The following RAB30 variants were observed in gnomAD, a reference collection of about 807,000 sequenced individuals.
The protein encoded by RAB30 is ras-related protein Rab-30.
Under a neutral mutation model 25.1 loss-of-function variants are expected in RAB30, and 9 were observed. That is an observed-to-expected ratio of 0.36 (90% CI 0.22 to 0.63). The LOEUF (loss-of-function observed/expected upper bound fraction) is 0.63. Among genes scored for constraint, RAB30 ranks in the 20% least tolerant of loss-of-function variants. RAB30 has a pLI of 0.69. For synonymous variants in RAB30, 77 were observed against 86.4 expected (o/e 0.89, Z 0.60); for missense variants, 140 against 243.5 (o/e 0.58, Z 2.83).
At chr11:83,038,251 T>A (rs1321538630) in intron 1 of RAB30, among the ~76,000 whole-genome samples, 1 of 152,134 alleles carries the variant, frequency 6.6e-6, no homozygotes, top group African/African-American at 2.4e-5. Flanking sequence ...AGAAGGCAAA[T>A]GAGATCAACG....
At chr11:83,008,462 G>A (rs1187145098) in intron 1 of RAB30, among the ~76,000 whole-genome samples, 1 of 152,196 alleles carries the variant, frequency 6.6e-6, no homozygotes, top group Admixed American at 6.5e-5. Flanking sequence ...ATGACTACTT[G>A]TCTAGAGCTT....
At chr11:83,053,359 A>G (rs567409495) in intron 1 of RAB30, among the ~76,000 whole-genome samples, 3 of 152,360 alleles carry the variant, frequency 2.0e-5, no homozygotes, top group East Asian at 1.9e-4. Flanking sequence ...CAGCTGCTCA[A>G]TTAATGGTTA....
At chr11:82,999,472 G>T (rs1367358480) in intron 1 of RAB30, among the ~76,000 whole-genome samples, 1 of 152,210 alleles carries the variant, frequency 6.6e-6, no homozygotes, top group African/African-American at 2.4e-5. Flanking sequence ...GAACTGTGAT[G>T]CATGAAAGAA....
chr11:83,037,593 G>C (rs1414147998), intron 1 of RAB30, among the ~76,000 whole-genome samples: 1 of 152,140 alleles, frequency 6.6e-6, no homozygotes, highest in East Asian at 1.9e-4. Context: ...GCTGATGAAT[G>C]GTATGTGAAT....
chr11:83,000,779 C>T (rs1437585084), intron 1 of RAB30, among the ~76,000 whole-genome samples: 1 of 152,002 alleles, frequency 6.6e-6, no homozygotes, highest in African/African-American at 2.4e-5. Flanking sequence ...GTCGGCCGGG[C>T]GCGGTGGCTC....
chr11:83,030,914 G>A (rs1033862978), intron 1 of RAB30, among the ~76,000 whole-genome samples: 71 of 152,322 alleles, frequency 4.7e-4, no homozygotes, highest in African/African-American at 1.7e-3. Flanking sequence ...TGTATTTGGA[G>A]ATAGAGCCAT....
chr11:83,017,290 T>C (rs1857460084), intron 1 of RAB30, among the ~76,000 whole-genome samples: 2 of 152,222 alleles, frequency 1.3e-5, no homozygotes, highest in South Asian at 2.1e-4. Flanking sequence ...TGAGCCGTGA[T>C]AGTTCCAGTG....
At chr11:83,069,477 C>A (rs1565295561) in intron 1 of RAB30, among the ~76,000 whole-genome samples, 1 of 152,108 alleles carries the variant, frequency 6.6e-6, no homozygotes, top group Non-Finnish European at 1.5e-5. Flanking sequence ...GAAGAAACAA[C>A]CAGGGTGGGT....
intron 1 of RAB30, among the ~76,000 whole-genome samples, chr11:83,062,637 A>G (rs1858608247): frequency 6.6e-6 from 1 of 152,190 alleles, no homozygotes; most frequent in Admixed American, 6.5e-5. Context: ...GTGCACATAA[A>G]TTTGCCAAAG....
chr11:82,986,638 A>G (rs1590834288), intron 4 of RAB30, among the ~76,000 whole-genome samples: 1 of 152,352 alleles, frequency 6.6e-6, no homozygotes, highest in East Asian at 1.9e-4. Flanking sequence ...GTTACAACGT[A>G]ACATATTACA....
At chr11:83,027,098 T>C (rs1857738217) in intron 1 of RAB30, among the ~76,000 whole-genome samples, 1 of 152,182 alleles carries the variant, frequency 6.6e-6, no homozygotes, top group Non-Finnish European at 1.5e-5. Context: ...AAGGCCTGTC[T>C]CTGGGGAGCA....
At chr11:83,005,652 T>TATATATATAC (rs1365653591) in intron 1 of RAB30, among the ~76,000 whole-genome samples, 1 of 151,990 alleles carries the variant, frequency 6.6e-6, no homozygotes, top group African/African-American at 2.4e-5. Flanking sequence ...AAGAAAACAT[T>TATATATATAC]ATATATATAC....
Position 82,979,121 on chromosome 11 carries a change from G to A in RAB30, c.*3044C>T, listed in dbSNP as rs1318926281. 1.3e-5 allele frequency: 2 copies of A among 152,008 alleles called. No homozygotes were observed. Among genetic ancestry groups the A allele is most frequent in the African/African-American group, 4.8e-5 (2 of 41,398 alleles). 9.4% of individuals were successfully genotyped at this position (152,008 alleles called of 1,614,324 possible). A position where few individuals can be genotyped will look rare whatever the true frequency, so the allele number is the denominator to read the frequency against. On this transcript the variant is annotated 3_prime_UTR_variant, in exon 5 of 5. Coordinates refer to ENST00000527633, the MANE Select transcript of RAB30 (RefSeq NM_001286060.2). ...ACAAAGGGAGAAAAAGCCTTCTATG[G>A]GCAAAGAAGCACAAAATCCTTTGAG...
At chr11:83,005,410 T>C (rs1857164311) in intron 1 of RAB30, among the ~76,000 whole-genome samples, 1 of 152,170 alleles carries the variant, frequency 6.6e-6, no homozygotes, top group South Asian at 2.1e-4. Context: ...ATCTTTTCAG[T>C]AGGCCATCAA....
At chr11:83,032,238 T>C (rs980499993) in intron 1 of RAB30, among the ~76,000 whole-genome samples, 4 of 152,228 alleles carry the variant, frequency 2.6e-5, no homozygotes, top group African/African-American at 9.6e-5. Context: ...GACCCAGAGT[T>C]TAGATCTAAC....
intron 1 of RAB30, among the ~76,000 whole-genome samples, chr11:83,024,712 T>C (rs963215367): frequency 2.6e-5 from 4 of 152,220 alleles, no homozygotes; most frequent in Non-Finnish European, 4.4e-5. Flanking sequence ...TCCAGAATTG[T>C]GTGTGTTCCA....
intron 1 of RAB30, among the ~76,000 whole-genome samples, chr11:83,067,882 T>C (rs997376586): frequency 6.6e-5 from 10 of 151,948 alleles, no homozygotes; most frequent in African/African-American, 2.4e-4. Flanking sequence ...TCCCAGCACT[T>C]TGGGAGGCTG....
intron 1 of RAB30, among the ~76,000 whole-genome samples, chr11:83,024,014 A>G (rs148945775): frequency 4.7e-4 from 71 of 152,244 alleles, no homozygotes; most frequent in African/African-American, 1.6e-3. Flanking sequence ...ACAATTATTT[A>G]CTTATAAGAC....
intron 1 of RAB30, among the ~76,000 whole-genome samples, chr11:83,065,603 C>T (rs1725048131): frequency 6.6e-6 from 1 of 152,164 alleles, no homozygotes; most frequent in Non-Finnish European, 1.5e-5. Context: ...AAAAATTCTA[C>T]ATCAGTGATG....
Sources: gnomAD v4.1 joint callset for allele counts (sites outside exome capture counted in the v4.1 genomes callset) on GRCh38, gnomAD v4.1.1 for gene constraint, MANE v1.5 for transcripts, NCBI Gene and HGNC (gene_info 2026-07-23, HGNC 2026-07-21) for gene names.